Variants in ARFIP1 observed in about 807,000 individuals in gnomAD.
The protein encoded by ARFIP1 is ARF interacting protein 1.
ARFIP1 carries 24 observed loss-of-function variants against 42.5 expected under a neutral mutation model. The ratio of observed to expected loss-of-function variants is 0.57; its 90% CI spans 0.41 to 0.80. ARFIP1 has a LOEUF of 0.80. Among genes scored for constraint, ARFIP1 ranks in the 30% least tolerant of loss-of-function variants. The pLI is 0.00. For missense variants in ARFIP1, 354 were observed against 434.0 expected, an observed-to-expected ratio of 0.82 and a Z score of 1.64; for synonymous variants, 141 against 153.7, an observed-to-expected ratio of 0.92 and a Z score of 0.61.
intron 1 of ARFIP1, among the ~76,000 whole-genome samples, chr4:152,817,637 A>G (rs1031934553): frequency 2.0e-5 from 3 of 152,242 alleles, no homozygotes; most frequent in African/African-American, 7.2e-5. Context: ...TCTGTGCATC[A>G]AAGGACACAA....
intron 2 of ARFIP1, among the ~76,000 whole-genome samples, chr4:152,845,589 CAT>C (rs1353204253): frequency 5.9e-5 from 9 of 152,220 alleles, no homozygotes; most frequent in Admixed American, 5.9e-4. Flanking sequence ...AGCCAACAAA[CAT>C]ATGAAAAAAT....
At chr4:152,888,055 T>C in intron 7 of ARFIP1, 78 bp from the exon 8 acceptor site, 5 of 1,106,588 alleles carry the variant, frequency 4.5e-6, no homozygotes, top group Non-Finnish European at 6.5e-6. Flanking sequence ...TGAGACTGAA[T>C]ATTACGTATT....
chr4:152,867,457 C>T (rs1207900521), intron 3 of ARFIP1, among the ~76,000 whole-genome samples: 1 of 152,072 alleles, frequency 6.6e-6, no homozygotes, highest in Non-Finnish European at 1.5e-5. Context: ...TATAGTCCAG[C>T]TTCTGCTCGG....
At chr4:152,804,213 T>TATATATAATATAACATGTATTATATATA (rs1561108324) in intron 1 of ARFIP1, among the ~76,000 whole-genome samples, 3 of 36,908 alleles carry the variant, frequency 8.1e-5, no homozygotes, top group South Asian at 8.5e-4. Flanking sequence ...TATTATATAT[T>TATATATAATATAACATGTATTATATATA]ATATATAATA....
At chr4:152,862,449 TA>T (rs79175273) in intron 2 of ARFIP1, among the ~76,000 whole-genome samples, 524 of 143,514 alleles carry the variant, frequency 3.7e-3, no homozygotes, top group Non-Finnish European at 3.4e-3. Context: ...GTCCTAGGTT[TA>T]AAAAAAAAAA....
At chr4:152,870,928 G>A (rs1349756786) in intron 4 of ARFIP1, 80 bp downstream of exon 4, 51 of 1,228,014 alleles carry the variant, frequency 4.2e-5, no homozygotes, top group Non-Finnish European at 5.5e-5. Flanking sequence ...ATAATCACTT[G>A]CTTTATATTC....
chr4:152,826,417 G>C (rs965121222), intron 1 of ARFIP1, among the ~76,000 whole-genome samples: 1 of 152,094 alleles, frequency 6.6e-6, no homozygotes, highest in African/African-American at 2.4e-5. Context: ...TGGGGACTTA[G>C]CTGTGGGTAC....
chr4:152,898,401 T>C (rs1737538942), intron 8 of ARFIP1, among the ~76,000 whole-genome samples: 1 of 152,194 alleles, frequency 6.6e-6, no homozygotes, highest in Admixed American at 6.5e-5. Flanking sequence ...AAAACATTCA[T>C]AACTTTTTTC....
chr4:152,889,498 CATATATATAT>C (rs71595203), intron 8 of ARFIP1, among the ~76,000 whole-genome samples: 1,305 of 42,778 alleles, frequency 0.031, 67 homozygotes, highest in African/African-American at 0.083. Context: ...TCATTTTAGT[CATATATATAT>C]ATATATATAT....
At chr4:152,835,236 C>T (rs1022249455) in intron 2 of ARFIP1, among the ~76,000 whole-genome samples, 6 of 152,198 alleles carry the variant, frequency 3.9e-5, no homozygotes, top group Admixed American at 2.6e-4. Flanking sequence ...CTCTGCTTTC[C>T]TTTTAAATAT....
intron 8 of ARFIP1, among the ~76,000 whole-genome samples, chr4:152,889,764 ATAC>A (rs1232749551): frequency 0.017 from 580 of 34,284 alleles, 10 homozygotes; most frequent in African/African-American, 0.051. Context: ...ATTATATACT[ATAC>A]TATATACTAT....
intron 3 of ARFIP1, among the ~76,000 whole-genome samples, chr4:152,865,163 A>C (rs922104947): frequency 6.6e-6 from 1 of 151,524 alleles, no homozygotes; most frequent in Admixed American, 6.6e-5. Context: ...TTAAAGATGT[A>C]GTCTCACTCT....
In ARFIP1 at chr4:152,888,202, G is replaced by A. The variant is rs1217165932; in HGVS notation, c.861G>A (p.Leu287=). The change falls in exon 8 of 9, where the codon CTG becomes CTA. Residue 287 remains leucine, a synonymous_variant. Coordinates refer to ENST00000353617, the MANE Select transcript of ARFIP1 (RefSeq NM_001025595.3). The part of the protein sequence containing the change: ...LNLGPRDANT[L]PKIEQSQHLF... ...TTGGACCACGTGACGCAAACACTCT[G>A]CCAAAGATTGAGCAGTCACAGCATC... 6.2e-7 allele frequency: 1 copy of A among 1,611,944 alleles called. No homozygotes were observed. Among genetic ancestry groups the A allele is most frequent in the African/African-American group, 1.3e-5 (1 of 74,786 alleles).
At chr4:152,803,585 C>G (rs1488161406) in intron 1 of ARFIP1, among the ~76,000 whole-genome samples, 2 of 152,244 alleles carry the variant, frequency 1.3e-5, no homozygotes, top group African/African-American at 4.8e-5. Context: ...TTGAAAACCA[C>G]TGAGCTGTCA....
At chr4:152,886,958 G>A (rs1263702251) in intron 7 of ARFIP1, among the ~76,000 whole-genome samples, 1 of 151,996 alleles carries the variant, frequency 6.6e-6, no homozygotes, top group Admixed American at 6.6e-5. Context: ...AAGGACTGAT[G>A]TATTCTTTCT....
At chr4:152,903,072 A>C (rs1737982129) in intron 8 of ARFIP1, among the ~76,000 whole-genome samples, 1 of 152,214 alleles carries the variant, frequency 6.6e-6, no homozygotes, top group South Asian at 2.1e-4. Flanking sequence ...TAATTATTTC[A>C]ATGTATTTAA....
intron 1 of ARFIP1, among the ~76,000 whole-genome samples, chr4:152,822,296 T>TAAAAAAAAAAAAAAAAAAAAAAAAACAAA (rs70949618): frequency 1.2e-4 from 8 of 65,540 alleles, no homozygotes; most frequent in Non-Finnish European, 2.0e-4. Flanking sequence ...GCAACAGCAG[T>TAAAAAAAAAAAAAAAAAAAAAAAAACAAA]AAAAAAAAAA....
At chr4:152,825,585 T>G (rs1299860532) in intron 1 of ARFIP1, among the ~76,000 whole-genome samples, 2 of 152,068 alleles carry the variant, frequency 1.3e-5, no homozygotes, top group Non-Finnish European at 2.9e-5. Context: ...CCATAAACAT[T>G]CTGGAAGAAA....
intron 2 of ARFIP1, among the ~76,000 whole-genome samples, chr4:152,847,538 A>G (rs1248888996): frequency 6.6e-6 from 1 of 152,060 alleles, no homozygotes; most frequent in African/African-American, 2.4e-5. Flanking sequence ...TTCTAAATAA[A>G]TGCATTTTAT....
Sources: allele counts gnomAD v4.1 joint callset (sites outside exome capture counted in the v4.1 genomes callset), GRCh38; gene constraint gnomAD v4.1.1; transcripts MANE v1.5; gene names NCBI Gene and HGNC (gene_info 2026-07-23, HGNC 2026-07-21).